DOCK1: variants seen among roughly 807,000 people sequenced by gnomAD.
DOCK1 encodes the protein dedicator of cytokinesis protein 1.
Under a neutral mutation model 262.7 loss-of-function variants are expected in DOCK1, and 138 were observed. That is an observed-to-expected ratio of 0.53 (90% CI 0.46 to 0.61). DOCK1 has a LOEUF of 0.61. DOCK1 is among the 20% of genes least tolerant of loss of function. DOCK1 has a pLI of 0.00. For synonymous variants in DOCK1, 866 were observed against 867.4 expected (o/e 1.00, Z 0.03); for missense variants, 1,908 against 2,370.7 (o/e 0.80, Z 4.05).
At chr10:127,415,339 C>T (rs1025418360) in intron 44 of DOCK1, 101 bp downstream of exon 44, 10 of 1,145,602 alleles carry the variant, frequency 8.7e-6, no homozygotes, top group Admixed American at 6.3e-5. Flanking sequence ...ACTGTGGCAG[C>T]GTGCACACAG....
rs773632498 is a variant in DOCK1, at chr10:127,425,935, C to T, written c.4838C>T (p.Pro1613Leu). ...GACAAAGTCACGGAGGCACTGAGGC[C>T]GTTCCACGAGAGGATGGAGGCCTGT... ...HGDKVTEALR[P>L]FHERMEACFK... The change falls in exon 47 of 52, where the codon CCG becomes CTG. Residue 1613 changes from proline to leucine, a missense_variant. Around this residue, in one of 9 missense-constraint regions of DOCK1, gnomAD observed 383 missense variants for 420.1 expected, o/e 0.91. Transcript: ENST00000623213. 8.1e-6 allele frequency: 13 copies of T among 1,613,950 alleles called. No individual in the cohort carries two copies. The highest frequency in any genetic ancestry group is 1.1e-5 in the Non-Finnish European group (13 of 1,179,898).
chr10:127,387,018 C>T (rs7907984), intron 38 of DOCK1, among the ~76,000 whole-genome samples: 16,342 of 143,812 alleles, frequency 0.11, 1,238 homozygotes, highest in African/African-American at 0.24. Context: ...CCAGGGTGAG[C>T]AGTGCTACAG....
intron 1 of DOCK1, among the ~76,000 whole-genome samples, chr10:126,948,741 C>G (rs899820717): frequency 1.6e-4 from 24 of 152,066 alleles, no homozygotes; most frequent in Non-Finnish European, 2.8e-4. Flanking sequence ...GCCATCCAGC[C>G]TGGATCCCAA....
At chr10:127,379,724 T>C (rs527700816) in intron 35 of DOCK1, among the ~76,000 whole-genome samples, 2 of 152,378 alleles carry the variant, frequency 1.3e-5, no homozygotes, top group East Asian at 3.9e-4. Flanking sequence ...ATTTGGGATA[T>C]TTATTTATGT....
chr10:126,979,941 C>T (rs770932782), intron 3 of DOCK1, among the ~76,000 whole-genome samples: 8 of 152,162 alleles, frequency 5.3e-5, no homozygotes, highest in Admixed American at 1.3e-4. Context: ...CAGCCTCACT[C>T]AGTCATTATC....
chr10:126,951,185 G>T (rs1001666728), intron 1 of DOCK1, among the ~76,000 whole-genome samples: 3 of 151,890 alleles, frequency 2.0e-5, no homozygotes, highest in Admixed American at 6.6e-5. Context: ...GGTGATAGTG[G>T]TGATGGTGGT....
At chr10:127,329,044 T>G (rs192852751) in intron 29 of DOCK1, among the ~76,000 whole-genome samples, 1 of 152,268 alleles carries the variant, frequency 6.6e-6, no homozygotes, top group African/African-American at 2.4e-5. Context: ...ATGGCATAAT[T>G]ACATCCACAG....
chr10:126,987,240 T>C (rs1306847484), intron 4 of DOCK1, among the ~76,000 whole-genome samples: 2 of 152,338 alleles, frequency 1.3e-5, no homozygotes, highest in Non-Finnish European at 2.9e-5. Context: ...TTCTGTAGAC[T>C]TTTAATGGAA....
chr10:127,024,926 G>T, intron 15 of DOCK1, 143 bp downstream of exon 15: 2 of 628,092 alleles, frequency 3.2e-6, no homozygotes, highest in Non-Finnish European at 5.4e-6. Context: ...ATTCAAGGTT[G>T]CTAAGGAACC....
intron 1 of DOCK1, among the ~76,000 whole-genome samples, chr10:126,912,176 C>G (rs2031868468): frequency 6.6e-6 from 1 of 152,138 alleles, no homozygotes; most frequent in Non-Finnish European, 1.5e-5. Context: ...CACCTGTAAT[C>G]CCAGCATTTT....
chr10:127,350,515 A>G (rs2063834337), intron 31 of DOCK1, among the ~76,000 whole-genome samples: 1 of 152,306 alleles, frequency 6.6e-6, no homozygotes, highest in Admixed American at 6.5e-5. Flanking sequence ...CTCCTGCCAG[A>G]GCCAAGCTGA....
chr10:127,327,264 G>A (rs2062784208), intron 29 of DOCK1, among the ~76,000 whole-genome samples: 3 of 152,176 alleles, frequency 2.0e-5, no homozygotes, highest in African/African-American at 7.2e-5. Context: ...TCCAATATAA[G>A]GTGGTTTCAT....
intron 49 of DOCK1, among the ~76,000 whole-genome samples, chr10:127,442,954 G>A (rs1056502944): frequency 1.3e-5 from 2 of 152,236 alleles, no homozygotes; most frequent in Non-Finnish European, 1.5e-5. Context: ...CCCCTCGTGT[G>A]GGGGAGGTCT....
chr10:126,986,130 C>T (rs1027149672), intron 4 of DOCK1, among the ~76,000 whole-genome samples: 1 of 152,278 alleles, frequency 6.6e-6, no homozygotes, highest in South Asian at 2.1e-4. Flanking sequence ...AGGCGTGAGC[C>T]ACCACACCCA....
chr10:127,281,065 GT>G (rs1397029653), intron 29 of DOCK1, among the ~76,000 whole-genome samples: 2 of 152,208 alleles, frequency 1.3e-5, no homozygotes, highest in Admixed American at 1.3e-4. Context: ...TGGCTTCCTT[GT>G]TTGGTTTGTG....
rs77325048 is a variant in DOCK1, at chr10:127,265,468, G to A, written c.3044+8039G>A. On this transcript the variant is annotated intron_variant, in intron 29 of 51. Coordinates refer to ENST00000623213, the MANE Select transcript of DOCK1 (RefSeq NM_001290223.2). The stretch of plus-strand genomic sequence containing the variant: ...CAGTCTGCAAAGGATGGAGGATTTT[G>A]ATCTCTTGACCTCATTTTGACAACC... Among the ~76,000 whole-genome samples the A allele has an allele frequency of 3.2e-3, 489 of 151,934 alleles. 1 individual carries two copies. The highest frequency in any genetic ancestry group is 0.01 in the Middle Eastern group (3 of 292).
At chr10:127,120,271 A>G (rs1239436472) in intron 25 of DOCK1, among the ~76,000 whole-genome samples, 1 of 152,228 alleles carries the variant, frequency 6.6e-6, no homozygotes, top group Non-Finnish European at 1.5e-5. Flanking sequence ...TCTGCTTACA[A>G]TAAATGCCAG....
intron 27 of DOCK1, among the ~76,000 whole-genome samples, chr10:127,149,497 G>A (rs1217674296): frequency 2.0e-5 from 3 of 152,124 alleles, no homozygotes; most frequent in Non-Finnish European, 4.4e-5. Context: ...TTTATTACAG[G>A]CCTGTGGTGC....
chr10:126,919,264 G>A (rs771225586), intron 1 of DOCK1, among the ~76,000 whole-genome samples: 3 of 151,966 alleles, frequency 2.0e-5, no homozygotes, highest in Non-Finnish European at 4.4e-5. Flanking sequence ...TTTATTTTTC[G>A]AAAATAATAA....
Sources: allele counts gnomAD v4.1 joint callset (sites outside exome capture counted in the v4.1 genomes callset), GRCh38; gene constraint gnomAD v4.1.1; regional missense constraint gnomAD v4.1.1; transcripts MANE v1.5; gene names NCBI Gene and HGNC (gene_info 2026-07-23, HGNC 2026-07-21).